Variants in PLXDC1 observed in about 807,000 individuals in gnomAD.
PLXDC1 encodes the protein plexin domain-containing protein 1.
PLXDC1 carries 39 observed loss-of-function variants against 61.3 expected under a neutral mutation model. That is an observed-to-expected ratio of 0.64 (90% CI 0.49 to 0.83). The LOEUF is 0.83. PLXDC1 is among the 40% of genes least tolerant of loss of function. The pLI is 0.00. For synonymous variants in PLXDC1, 212 were observed against 254.5 expected (o/e 0.83, Z 1.59); for missense variants, 596 against 666.5 (o/e 0.89, Z 1.17).
intron 2 of PLXDC1, among the ~76,000 whole-genome samples, chr17:39,134,560 A>C (rs891032576): frequency 2.7e-5 from 4 of 150,360 alleles, no homozygotes; most frequent in African/African-American, 9.8e-5. Flanking sequence ...CGGGAGGCAG[A>C]GGTTGCAGTG....
chr17:39,079,123 T>A lies in PLXDC1; in HGVS notation c.1031A>T (p.Asp344Val), dbSNP rs1909455397. ...TCTCACCTCCTGTGCACAGCCATAG[T>A]CCATCCACTCCTGGCGATAGCGGTC... The part of the protein sequence containing the change: ...GFDRYRQEWM[D>V]YGCAQEAEGR... Residue 344 changes from aspartate to valine, a missense_variant, in exon 10 of 14, where the codon GAC becomes GTC. Coordinates refer to ENST00000315392, the MANE Select transcript of PLXDC1 (RefSeq NM_020405.5). 1.9e-6 allele frequency: 3 copies of A among 1,613,848 alleles called. No homozygotes were observed. The Admixed American group carries it at 5.0e-5, about 27-fold the overall frequency.
chr17:39,072,574 C>A (rs1909165690), intron 11 of PLXDC1, 89 bp from the exon 12 acceptor site: 2 of 862,032 alleles, frequency 2.3e-6, no homozygotes, highest in Non-Finnish European at 3.9e-6. Flanking sequence ...AAGTTCAGCC[C>A]AAACTTTCAT....
chr17:39,111,024 C>T (rs1018478581), intron 2 of PLXDC1, among the ~76,000 whole-genome samples: 12 of 152,166 alleles, frequency 7.9e-5, no homozygotes, highest in African/African-American at 2.9e-4. Context: ...AGACACTGTC[C>T]TCGAGACGAA....
At chr17:39,077,132 T>C (rs1909370594) in intron 11 of PLXDC1, among the ~76,000 whole-genome samples, 1 of 152,014 alleles carries the variant, frequency 6.6e-6, no homozygotes, top group African/African-American at 2.4e-5. Context: ...CCTCCCGAAG[T>C]GCTGGGATTA....
In PLXDC1 at chr17:39,071,008, C is replaced by G. The variant is rs561363338; in HGVS notation, c.1223-992G>C. On this transcript the variant is annotated intron_variant, in intron 12 of 13. Coordinates refer to ENST00000315392, the MANE Select transcript of PLXDC1 (RefSeq NM_020405.5). ...AAACAAAACAACAAAACTGGCAGGC[C>G]CGTCAGAGAAGCTCAAAGAAAGTCT... 2.6e-5 allele frequency among the ~76,000 whole-genome samples: 4 copies of G among 152,232 alleles called. No individual in the cohort carries two copies. In the East Asian group the frequency reaches 7.7e-4, roughly 29 times the overall value.
At chr17:39,124,807 C>G (rs573032436) in intron 2 of PLXDC1, among the ~76,000 whole-genome samples, 47 of 152,202 alleles carry the variant, frequency 3.1e-4, no homozygotes, top group African/African-American at 1.1e-3. Flanking sequence ...GAGGCTGGCA[C>G]TCAGGAAGGG....
rs552517737 is a variant in PLXDC1, at chr17:39,142,308, G to A, written c.77-2476C>T. ...ATCACATGCCATCTGCAATCCATTC[G>A]TGACAGCCAGAGGCACTCCAACTGA... On this transcript the variant is annotated intron_variant, in intron 1 of 13. Coordinates refer to ENST00000315392, the MANE Select transcript of PLXDC1 (RefSeq NM_020405.5). Among the ~76,000 whole-genome samples, 7 of 152,248 alleles carry A rather than the reference G, an allele frequency of 4.6e-5. No homozygotes were observed. The East Asian group carries it at 9.6e-4, about 21-fold the overall frequency.
chr17:39,075,198 A>G (rs1024686562), intron 11 of PLXDC1, among the ~76,000 whole-genome samples: 2 of 152,172 alleles, frequency 1.3e-5, no homozygotes, highest in African/African-American at 4.8e-5. Flanking sequence ...AGCTCAAGTG[A>G]TCTGCCTGCC....
intron 7 of PLXDC1, among the ~76,000 whole-genome samples, chr17:39,103,482 G>A (rs1346819532): frequency 7.2e-5 from 11 of 152,096 alleles, no homozygotes; most frequent in Admixed American, 5.2e-4. Flanking sequence ...GTTTGAGGCC[G>A]CAATGAACTA....
intron 1 of PLXDC1, among the ~76,000 whole-genome samples, chr17:39,144,232 T>A (rs1183090872): frequency 6.6e-6 from 1 of 152,120 alleles, no homozygotes; most frequent in Admixed American, 6.6e-5. Context: ...CTTAGCCCCA[T>A]CAGTTTTCCT....
chr17:39,105,778 C>T, intron 7 of PLXDC1, 76 bp downstream of exon 7: 1 of 873,620 alleles, frequency 1.1e-6, no homozygotes, highest in Non-Finnish European at 1.8e-6. Flanking sequence ...CCACTGCCAT[C>T]CCCCCAGCAG....
intron 7 of PLXDC1, among the ~76,000 whole-genome samples, chr17:39,104,955 C>T (rs1910543338): frequency 6.6e-6 from 1 of 152,146 alleles, no homozygotes; most frequent in South Asian, 2.1e-4. Flanking sequence ...CCCGGGAAGC[C>T]CTGATTTCAC....
At chr17:39,068,098 T>A in intron 13 of PLXDC1, 139 bp from the exon 14 acceptor site, 1 of 723,920 alleles carries the variant, frequency 1.4e-6, no homozygotes. Context: ...GCCACACAAC[T>A]GACCTTCAGG....
intron 2 of PLXDC1, among the ~76,000 whole-genome samples, chr17:39,133,521 C>T (rs1911629763): frequency 6.6e-6 from 1 of 152,170 alleles, no homozygotes; most frequent in Non-Finnish European, 1.5e-5. Flanking sequence ...TTCCTTTGTT[C>T]ATTCAAAGGA....
At position 39,134,557 on chromosome 17, in the gene PLXDC1, C is replaced by G. The variant is rs193296948; in HGVS notation, c.255+5097G>C. ...ACGAGAATTGCTAGAACCCGGGAGG[C>G]AGAGGTTGCAGTGAGCTAAGATCAT... On this transcript the variant is annotated intron_variant, in intron 2 of 13. Coordinates refer to ENST00000315392, the MANE Select transcript of PLXDC1 (RefSeq NM_020405.5). Among the ~76,000 whole-genome samples the G allele has an allele frequency of 6.1e-3, 909 of 149,628 alleles. 14 individuals are homozygous for G. The highest frequency in any genetic ancestry group is 0.021 in the African/African-American group (858 of 40,444).
At chr17:39,142,149 G>A (rs192717892) in intron 1 of PLXDC1, among the ~76,000 whole-genome samples, 4 of 152,250 alleles carry the variant, frequency 2.6e-5, no homozygotes, top group South Asian at 2.1e-4. Flanking sequence ...AATGAAAAAC[G>A]TCTCCAAACA....
At chr17:39,137,532 C>T (rs1281556224) in intron 2 of PLXDC1, 1 of 152,154 alleles carries the variant, frequency 6.6e-6, no homozygotes, top group Non-Finnish European at 1.5e-5. Context: ...GCACTCCAGC[C>T]TTGGCGACAG....
intron 7 of PLXDC1, among the ~76,000 whole-genome samples, chr17:39,103,102 C>A (rs956095404): frequency 2.0e-5 from 3 of 151,988 alleles, no homozygotes; most frequent in Admixed American, 2.0e-4. Context: ...CTAGTCCCAG[C>A]TACTCAGGAG....
chr17:39,152,175 T>C (rs1474728622), upstream of PLXDC1, among the ~76,000 whole-genome samples: 1 of 130,632 alleles, frequency 7.7e-6, no homozygotes, highest in Non-Finnish European at 1.6e-5. Context: ...GACTCCACCT[T>C]ATCCCTCCAC....
Sources: allele counts gnomAD v4.1 joint callset (sites outside exome capture counted in the v4.1 genomes callset), GRCh38; gene constraint gnomAD v4.1.1; transcripts MANE v1.5; gene names NCBI Gene and HGNC (gene_info 2026-07-23, HGNC 2026-07-21).